ZNF775: variants seen among roughly 807,000 people sequenced by gnomAD.
ZNF775 encodes the protein zinc finger protein 775.
ZNF775 carries 1 observed loss-of-function variant against 2.4 expected under a neutral mutation model. The ratio of observed to expected loss-of-function variants is 0.41; its 90% CI spans 0.15 to 1.94. The LOEUF (loss-of-function observed/expected upper bound fraction) is 1.94, where lower values mean the gene tolerates loss of function less well. ZNF775 is among the 30% of genes most tolerant of loss of function. ZNF775 has a pLI of 0.30. For missense variants in ZNF775, 823 were observed against 826.6 expected (o/e 1.00, Z 0.05); for synonymous variants, 381 against 373.3 (o/e 1.02, Z -0.24).
At chr7:150,395,313 G>A (rs539179428) in intron 2 of ZNF775, among the ~76,000 whole-genome samples, 68 of 152,168 alleles carry the variant, frequency 4.5e-4, no homozygotes, top group South Asian at 2.3e-3. Flanking sequence ...TATTAATGCC[G>A]TTCTTCTACT....
chr7:150,392,321 T>C (rs1046978980), intron 2 of ZNF775, among the ~76,000 whole-genome samples: 1 of 152,244 alleles, frequency 6.6e-6, no homozygotes, highest in East Asian at 1.9e-4. Flanking sequence ...TCTTGTATCA[T>C]GTATCAAACA....
In ZNF775 at chr7:150,397,142, C is replaced by G; in HGVS notation, c.661C>G (p.Arg221Gly). ...RAHARDRQGSRAGLHELIQDA... is the reference protein window; with the variant it reads ...RAHARDRQGSGAGLHELIQDA... Reference sequence around the variant, plus strand: ...GCACGCCCGGGACCGCCAGGGCTCCCGCGCCGGCCTGCACGAGCTGATTCA... The same window carrying G: ...GCACGCCCGGGACCGCCAGGGCTCCGGCGCCGGCCTGCACGAGCTGATTCA... The change falls in exon 3 of 3, where the codon CGC becomes GGC. Residue 221 changes from arginine to glycine, a missense_variant. Physicochemically the swap from Arg to Gly is moderately radical, Grantham distance 125. Transcript: ENST00000329630. 1.3e-6 allele frequency: 2 copies of G among 1,489,180 alleles called. No individual in the cohort carries two copies. Among genetic ancestry groups the G allele is most frequent in the Admixed American group, 2.6e-5 (1 of 38,936 alleles). The allele number at this position is 1,489,180 out of a possible 1,614,324, so 92.2% of individuals were successfully genotyped here. A position where few individuals can be genotyped will look rare whatever the true frequency, so the allele number is the denominator to read the frequency against.
At position 150,397,953 on chromosome 7, in the gene ZNF775, G is replaced by A. The variant is rs745960670; in HGVS notation, c.1472G>A (p.Arg491Gln). ...RRFSQKPNLTRHRRNHTGERP... is the reference protein window; with the variant it reads ...RRFSQKPNLTQHRRNHTGERP... Reference sequence around the variant, plus strand: ...TTCAGCCAGAAGCCCAACCTGACGCGGCACCGGCGCAACCACACAGGCGAG... The same window carrying A: ...TTCAGCCAGAAGCCCAACCTGACGCAGCACCGGCGCAACCACACAGGCGAG... Residue 491 changes from arginine to glutamine, a missense_variant, in exon 3 of 3, where the codon CGG becomes CAG. Arg to Gln is a conservative substitution (Grantham distance 43). Transcript: ENST00000329630. The A allele has an allele frequency of 2.7e-5, 43 of 1,599,692 alleles. No individual in the cohort carries two copies. Among genetic ancestry groups the A allele is most frequent in the Non-Finnish European group, 3.6e-5 (42 of 1,178,342 alleles).
rs6948064 is a variant in ZNF775, at chr7:150,385,999, A to C, written c.-49-2423A>C. Among the ~76,000 whole-genome samples the C allele has an allele frequency of 2.6e-5, 4 of 152,188 alleles. No individual in the cohort carries two copies. In the East Asian group the frequency reaches 5.8e-4, roughly 22 times the overall value. On this transcript the variant is annotated intron_variant, in intron 1 of 2. Transcript: ENST00000329630. Reference sequence around the variant, plus strand: ...TTGAGACAGAGTCTCACTCTGTCACAATCTCGGCTCACTGCAACCTCTGCC... The same window carrying C: ...TTGAGACAGAGTCTCACTCTGTCACCATCTCGGCTCACTGCAACCTCTGCC...
At position 150,382,401 on chromosome 7, in the gene ZNF775, G is replaced by T. The variant is rs886310172; in HGVS notation, c.-50+3009G>T. 5.9e-5 allele frequency among the ~76,000 whole-genome samples: 9 copies of T among 152,164 alleles called. No individual in the cohort carries two copies. The highest frequency in any genetic ancestry group is 5.9e-4 in the Admixed American group (9 of 15,286). On this transcript the variant is annotated intron_variant, in intron 1 of 2. Coordinates refer to ENST00000329630, the MANE Select transcript of ZNF775 (RefSeq NM_173680.4). The surrounding 1 kb of genome is among the most constrained non-coding windows in gnomAD (Gnocchi z 4.6). ...CTGAGCTCAAAGCGCTGCAATGACT[G>T]GCCAGGGACTAGCAGCGGCTCAGTG...
chr7:150,397,280 G>T lies in ZNF775; in HGVS notation c.799G>T (p.Ala267Ser). ...CTGGTGGGGCCAGCCCGGGGCCCGG[G>T]CCGCGGTCTCCGGCCCCGAGGGGCC... ...QGWWGQPGARAAVSGPEGPGE... is the reference protein window; with the variant it reads ...QGWWGQPGARSAVSGPEGPGE... The change falls in exon 3 of 3, where the codon GCC (alanine) becomes TCC (serine). Residue 267 changes from alanine to serine, a missense_variant. By Grantham distance (99) the Ala-to-Ser change is moderately conservative. Transcript: ENST00000329630. The T allele has an allele frequency of 6.7e-7, 1 of 1,487,956 alleles. No homozygotes were observed. The highest frequency in any genetic ancestry group is 8.9e-7 in the Non-Finnish European group (1 of 1,122,136). 92.2% of individuals were successfully genotyped at this position (1,487,956 alleles called of 1,614,324 possible).
In ZNF775 at chr7:150,397,400, C is replaced by G; in HGVS notation, c.919C>G (p.Arg307Gly). ...NIHQRIHTGE[R>G]PYACPECGRR... ...CCACCAGCGCATCCACACTGGCGAG[C>G]GCCCCTATGCGTGCCCCGAGTGCGG... Residue 307 changes from arginine to glycine, a missense_variant, in exon 3 of 3, where the codon CGC becomes GGC. Transcript: ENST00000329630. The G allele has an allele frequency of 1.3e-6, 2 of 1,596,152 alleles. No individual in the cohort carries two copies. Among genetic ancestry groups the G allele is most frequent in the Non-Finnish European group, 1.7e-6 (2 of 1,174,674 alleles).
chr7:150,397,602 G>T lies in ZNF775; in HGVS notation c.1121G>T (p.Ser374Ile). The T allele has an allele frequency of 6.9e-7, 1 of 1,446,556 alleles. No homozygotes were observed. Among genetic ancestry groups the T allele is most frequent in the Non-Finnish European group, 9.0e-7 (1 of 1,107,864 alleles). 89.6% of individuals were successfully genotyped at this position (1,446,556 alleles called of 1,614,324 possible). Reference protein sequence around the residue: ...QAAPCPSCGKSCRSRAALRAH... With the variant: ...QAAPCPSCGKICRSRAALRAH... ...GCGCCCTGCCCCAGCTGCGGTAAGA[G>T]CTGCCGCAGCCGCGCCGCGCTGCGC... Residue 374 changes from serine to isoleucine, a missense_variant, in exon 3 of 3, where the codon AGC becomes ATC. Coordinates refer to ENST00000329630, the MANE Select transcript of ZNF775 (RefSeq NM_173680.4).
At chr7:150,380,782 C>T (rs1800348343) in intron 1 of ZNF775, among the ~76,000 whole-genome samples, 1 of 152,192 alleles carries the variant, frequency 6.6e-6, no homozygotes, top group African/African-American at 2.4e-5. Context: ...GGCAACCACA[C>T]GTTTCGTGTG....
Position 150,398,089 on chromosome 7 carries a change from G to T in ZNF775, c.1608G>T (p.Ala536=). 6.5e-7 allele frequency: 1 copy of T among 1,549,378 alleles called. No homozygotes were observed. The change falls in exon 3 of 3, where the codon GCG becomes GCT. Residue 536 remains alanine, a synonymous_variant. Transcript: ENST00000329630. ...AAPACSPKEE[A]R ...CTGCGTGCAGCCCCAAGGAGGAGGCGCGCTAGTGGACTGGACCTCAGCGGA... is the reference window on the plus strand; with the variant it reads ...CTGCGTGCAGCCCCAAGGAGGAGGCTCGCTAGTGGACTGGACCTCAGCGGA...
Position 150,398,340 on chromosome 7 carries a change from C to T in ZNF775, c.*245C>T. The T allele has an allele frequency of 1.6e-6, 1 of 616,062 alleles. No homozygotes were observed. Among genetic ancestry groups the T allele is most frequent in the Non-Finnish European group, 2.7e-6 (1 of 369,416 alleles). The allele number at this position is 616,062 out of a possible 1,614,324, so 38.2% of individuals were successfully genotyped here. ...TCACCGCGGGCCGGGATGTGACCAC[C>T]CTCTTCAGAGGTTGGACCCCAGGCT... On this transcript the variant is annotated 3_prime_UTR_variant, in exon 3 of 3. Coordinates refer to ENST00000329630, the MANE Select transcript of ZNF775 (RefSeq NM_173680.4).
rs1488870311 is a variant in ZNF775 at position 150,397,102 on chromosome 7, C to T, written c.621C>T (p.Arg207=). 3 of 1,558,776 alleles carry T rather than the reference C, an allele frequency of 1.9e-6. No homozygotes were observed. The highest frequency in any genetic ancestry group is 2.6e-6 in the Non-Finnish European group (3 of 1,160,112). The change falls in exon 3 of 3, where the codon CGC becomes CGT. Residue 207 remains arginine (R), a synonymous_variant. Coordinates refer to ENST00000329630, the MANE Select transcript of ZNF775 (RefSeq NM_173680.4). The stretch of plus-strand genomic sequence containing the variant: ...GCTTCCGTCACCAGGTGGGCCTCCG[C>T]ATCCACCAGCGCGCGCACGCCCGGG... ...ERCFRHQVGL[R]IHQRAHARDR... is the part of the protein sequence containing the mutation.
rs951894013 is a variant in ZNF775, at chr7:150,398,130, G to A, written c.*35G>A. 1 of 1,533,610 alleles carries A rather than the reference G, an allele frequency of 6.5e-7. No individual in the cohort carries two copies. The highest frequency in any genetic ancestry group is 8.7e-7 in the Non-Finnish European group (1 of 1,145,498). On this transcript the variant is annotated 3_prime_UTR_variant, in exon 3 of 3. Transcript: ENST00000329630. ...CCTCAGCGGACCCGTGGTGGTGCGG[G>A]GGATGTTTGCGGGGTGTGTGTGGGG...
In ZNF775 at chr7:150,386,863, C is replaced by G. The variant is rs1342143761; in HGVS notation, c.-49-1559C>G. On this transcript the variant is annotated intron_variant, in intron 1 of 2. Coordinates refer to ENST00000329630, the MANE Select transcript of ZNF775 (RefSeq NM_173680.4). ...CGGGCCCTCTGTGTGCCCGGCTCTG[C>G]TCTGAGCCCTGCGGATCCAGCAGCA... Among the ~76,000 whole-genome samples, 7 of 152,194 alleles carry G rather than the reference C, an allele frequency of 4.6e-5. No homozygotes were observed. The East Asian group carries it at 1.2e-3, about 25-fold the overall frequency.
rs761988955 is a variant in ZNF775, at chr7:150,397,498, C to T, written c.1017C>T (p.Cys339=). The change falls in exon 3 of 3, where the codon TGC becomes TGT. Residue 339 remains cysteine, a synonymous_variant. Coordinates refer to ENST00000329630, the MANE Select transcript of ZNF775 (RefSeq NM_173680.4). ...RNHTGERPHP[C]PHCGRGFRQK... ...ACACAGGCGAGCGCCCGCACCCCTG[C>T]CCGCACTGTGGCCGCGGCTTCCGCC... 5.7e-6 allele frequency: 9 copies of T among 1,581,164 alleles called. No individual in the cohort carries two copies. The highest frequency in any genetic ancestry group is 7.7e-6 in the Non-Finnish European group (9 of 1,170,606).
chr7:150,390,173 C>T lies in ZNF775; in HGVS notation c.31+1672C>T, dbSNP rs143302723. 8.6e-5 allele frequency among the ~76,000 whole-genome samples: 13 copies of T among 151,938 alleles called. No individual in the cohort carries two copies. In the East Asian group the frequency reaches 1.8e-3, roughly 21 times the overall value. On this transcript the variant is annotated intron_variant, in intron 2 of 2. Transcript: ENST00000329630. ...GGTGCCATTATTTCGGGACTCTCCACGGGCAGGCCAGTGGCCTGCGCTCTT... is the reference window on the plus strand; with the variant it reads ...GGTGCCATTATTTCGGGACTCTCCATGGGCAGGCCAGTGGCCTGCGCTCTT...
At chr7:150,391,245 C>T (rs1383279824) in intron 2 of ZNF775, among the ~76,000 whole-genome samples, 5 of 152,214 alleles carry the variant, frequency 3.3e-5, no homozygotes, top group African/African-American at 9.6e-5. Context: ...CGGTGGCTCA[C>T]GCCTGTAATC....
intron 2 of ZNF775, among the ~76,000 whole-genome samples, chr7:150,390,610 T>A (rs1322076329): frequency 1.3e-5 from 2 of 152,278 alleles, no homozygotes; most frequent in African/African-American, 4.8e-5. Flanking sequence ...GTTTTGAGAA[T>A]CTTTTCATAT....
intron 2 of ZNF775, among the ~76,000 whole-genome samples, chr7:150,393,037 C>T (rs1251913175): frequency 6.6e-6 from 1 of 152,048 alleles, no homozygotes; most frequent in Non-Finnish European, 1.5e-5. Context: ...TGGTCTTGTA[C>T]CTTACCTGGG....
Sources: allele counts gnomAD v4.1 joint callset (sites outside exome capture counted in the v4.1 genomes callset), GRCh38; gene constraint gnomAD v4.1.1; non-coding constraint Gnocchi (gnomAD v3.1); transcripts MANE v1.5; gene names NCBI Gene and HGNC (gene_info 2026-07-23, HGNC 2026-07-21).